CHL1: variants seen among roughly 807,000 people sequenced by gnomAD.
CHL1 encodes neural cell adhesion molecule L1-like protein.
CHL1 carries 96 observed loss-of-function variants against 141.9 expected under a neutral mutation model. The observed-to-expected ratio is 0.68, with a 90% CI of 0.57 to 0.80. CHL1 has a LOEUF of 0.80. CHL1 is among the 30% of genes least tolerant of loss of function. CHL1 has a pLI of 0.00. For synonymous variants in CHL1, 613 were observed against 502.2 expected (o/e 1.22, Z -2.95); for missense variants, 1,820 against 1,457.2 (o/e 1.25, Z -4.05).
intron 19 of CHL1, chr3:384,658 CA>C (rs1379165057): frequency 6.6e-6 from 1 of 152,030 alleles, no homozygotes; most frequent in Non-Finnish European, 1.5e-5. Flanking sequence ...ATTTAATGAC[CA>C]GTATATTGGC....
At chr3:245,888 C>T (rs183796734) in intron 2 of CHL1, among the ~76,000 whole-genome samples, 4 of 152,174 alleles carry the variant, frequency 2.6e-5, no homozygotes, top group African/African-American at 9.6e-5. Context: ...AGTGGTTTTG[C>T]CCTCCACTAT....
chr3:239,454 G>A (rs1434977149), intron 1 of CHL1, among the ~76,000 whole-genome samples: 3 of 151,982 alleles, frequency 2.0e-5, no homozygotes, highest in Admixed American at 2.0e-4. Flanking sequence ...CACTGTGGTG[G>A]TAATGTGCTC....
rs558606983 is a variant in CHL1 at position 196,990 on chromosome 3, G to C, written c.-248G>C. ...ACCGGACCCTGCGCGCCCCCGTCCC[G>C]GCTCCCGGCCGGCTCGGGGGAGAAG... On this transcript the variant is annotated 5_prime_UTR_variant, in exon 1 of 28. Coordinates refer to ENST00000256509, the MANE Select transcript of CHL1 (RefSeq NM_006614.4). The C allele has an allele frequency of 4.6e-5, 7 of 152,300 alleles. No homozygotes were observed. Among genetic ancestry groups the C allele is most frequent in the African/African-American group, 1.7e-4 (7 of 41,552 alleles). 9.4% of individuals were successfully genotyped at this position (152,300 alleles called of 1,614,324 possible).
At chr3:339,145 A>G (rs1702165185) in intron 5 of CHL1, among the ~76,000 whole-genome samples, 1 of 152,226 alleles carries the variant, frequency 6.6e-6, no homozygotes, top group South Asian at 2.1e-4. Context: ...ACTGACTTCA[A>G]TGCCAGTGTT....
rs780604608 is a variant in CHL1, at chr3:390,820, T to C, written c.2586+4T>C. The C allele has an allele frequency of 9.6e-6, 15 of 1,570,266 alleles. No homozygotes were observed. The Admixed American group carries it at 2.5e-4, about 26-fold the overall frequency. ...TGGACGTCTGAAAGGCTATCAGGTTTTTATCATCATGGTTTTTCCTCTTCT... is the reference window on the plus strand; with the variant it reads ...TGGACGTCTGAAAGGCTATCAGGTTCTTATCATCATGGTTTTTCCTCTTCT... On this transcript the variant is annotated splice_donor_region_variant and intron_variant, in intron 21 of 27. Transcript: ENST00000256509.
chr3:328,123 T>C (rs376491047), intron 4 of CHL1, 44 bp from the exon 5 acceptor site: 3 of 1,469,896 alleles, frequency 2.0e-6, no homozygotes, highest in African/African-American at 1.4e-5. Flanking sequence ...TCTAAACATA[T>C]GTCATTATTT....
chr3:205,104 CT>C (rs11424648), intron 1 of CHL1, among the ~76,000 whole-genome samples: 17 of 129,076 alleles, frequency 1.3e-4, no homozygotes, highest in South Asian at 2.5e-4. Context: ...TTCTTTCTTT[CT>C]TTTTTTTTTT....
At chr3:276,680 G>A (rs1696141148) in intron 2 of CHL1, among the ~76,000 whole-genome samples, 1 of 151,882 alleles carries the variant, frequency 6.6e-6, no homozygotes, top group African/African-American at 2.4e-5. Flanking sequence ...ACGAGGTCAG[G>A]AGATTGAGAC....
At chr3:201,291 C>T (rs1025264991) in intron 1 of CHL1, among the ~76,000 whole-genome samples, 1 of 152,164 alleles carries the variant, frequency 6.6e-6, no homozygotes, top group African/African-American at 2.4e-5. Flanking sequence ...TAGACCATAA[C>T]TAATTGAGAT....
At chr3:243,947 C>A (rs1018853511) in intron 1 of CHL1, among the ~76,000 whole-genome samples, 3 of 152,122 alleles carry the variant, frequency 2.0e-5, no homozygotes, top group African/African-American at 7.2e-5. Flanking sequence ...GGATGGCATT[C>A]AAAAACAAGC....
chr3:286,431 T>G (rs1697152534), intron 2 of CHL1, among the ~76,000 whole-genome samples: 1 of 151,864 alleles, frequency 6.6e-6, no homozygotes, highest in African/African-American at 2.4e-5. Context: ...GCCAACATGG[T>G]GAAACCCCAT....
At chr3:322,883 A>T (rs1316346401) in intron 3 of CHL1, among the ~76,000 whole-genome samples, 1 of 150,902 alleles carries the variant, frequency 6.6e-6, no homozygotes, top group Non-Finnish European at 1.5e-5. Context: ...AGAGTAAAAA[A>T]CTCTCAAAAC....
intron 2 of CHL1, among the ~76,000 whole-genome samples, chr3:285,118 T>C (rs964142765): frequency 7.9e-5 from 12 of 152,234 alleles, no homozygotes; most frequent in African/African-American, 2.7e-4. Context: ...CAAGCATAAT[T>C]GAAATAATTA....
intron 2 of CHL1, among the ~76,000 whole-genome samples, chr3:302,163 T>C (rs1262095726): frequency 1.3e-5 from 2 of 152,226 alleles, no homozygotes; most frequent in East Asian, 3.8e-4. Context: ...GACATTTGGG[T>C]TGGTTCCAAG....
At chr3:258,166 G>T (rs769347653) in intron 2 of CHL1, among the ~76,000 whole-genome samples, 2 of 152,222 alleles carry the variant, frequency 1.3e-5, no homozygotes, top group Non-Finnish European at 2.9e-5. Flanking sequence ...CCCCATGGCT[G>T]TCTGTCCAGG....
intron 2 of CHL1, among the ~76,000 whole-genome samples, chr3:291,442 T>C (rs1438533614): frequency 6.6e-6 from 1 of 150,666 alleles, no homozygotes; most frequent in Non-Finnish European, 1.5e-5. Context: ...TTTCTCTTCT[T>C]TTCTTTTCTT....
intron 2 of CHL1, among the ~76,000 whole-genome samples, chr3:272,474 T>C (rs1695719209): frequency 6.6e-6 from 1 of 152,228 alleles, no homozygotes; most frequent in African/African-American, 2.4e-5. Context: ...AGACTATGTT[T>C]TCGTTCTTTG....
intron 5 of CHL1, among the ~76,000 whole-genome samples, chr3:339,442 T>G (rs1267475360): frequency 6.6e-6 from 1 of 152,212 alleles, no homozygotes; most frequent in Non-Finnish European, 1.5e-5. Context: ...AGATGGTTGC[T>G]ATTTCAAAAA....
chr3:393,872 C>A (rs1209513451), intron 23 of CHL1, among the ~76,000 whole-genome samples: 1 of 152,016 alleles, frequency 6.6e-6, no homozygotes, highest in African/African-American at 2.4e-5. Flanking sequence ...TTTTTATGGA[C>A]CAAGGAAGGC....
Sources: gnomAD v4.1 joint callset for allele counts (sites outside exome capture counted in the v4.1 genomes callset) on GRCh38, gnomAD v4.1.1 for gene constraint, MANE v1.5 for transcripts, NCBI Gene and HGNC (gene_info 2026-07-23, HGNC 2026-07-21) for gene names.